Variants in PCED1B observed in about 807,000 individuals in gnomAD.
The protein encoded by PCED1B is PC-esterase domain containing 1B, also known as PC-esterase domain-containing protein 1B.
For synonymous variants in PCED1B, 251 were observed against 246.1 expected (o/e 1.02, Z -0.19); for missense variants, 573 against 573.9 (o/e 1.00, Z 0.02).
intron 3 of PCED1B, among the ~76,000 whole-genome samples, chr12:47,224,390 A>G (rs1283008918): frequency 6.6e-6 from 1 of 152,214 alleles, no homozygotes; most frequent in African/African-American, 2.4e-5. Context: ...GACTATTATT[A>G]TGGGAAAATA....
intron 2 of PCED1B, among the ~76,000 whole-genome samples, chr12:47,198,566 G>T (rs1232379705): frequency 6.6e-6 from 1 of 150,958 alleles, no homozygotes; most frequent in Admixed American, 6.6e-5. Flanking sequence ...AATGCAGTAA[G>T]ACCAAAAAAA....
chr12:47,152,240 A>T (rs1941019892), intron 2 of PCED1B, among the ~76,000 whole-genome samples: 1 of 152,196 alleles, frequency 6.6e-6, no homozygotes, highest in Non-Finnish European at 1.5e-5. Flanking sequence ...CAGGGAAAAA[A>T]TCATAAATTC....
At chr12:47,102,110 G>A (rs1938733045) in intron 1 of PCED1B, among the ~76,000 whole-genome samples, 1 of 152,168 alleles carries the variant, frequency 6.6e-6, no homozygotes, top group African/African-American at 2.4e-5. Context: ...ATACATCCAT[G>A]TTATAGACTC....
intron 2 of PCED1B, among the ~76,000 whole-genome samples, chr12:47,134,245 G>A (rs1028558834): frequency 3.9e-5 from 6 of 152,194 alleles, no homozygotes; most frequent in African/African-American, 9.6e-5. Context: ...AGGCCTTTAC[G>A]AAATTAGTAC....
intron 3 of PCED1B, among the ~76,000 whole-genome samples, chr12:47,231,922 A>G (rs568527998): frequency 6.6e-6 from 1 of 152,222 alleles, no homozygotes; most frequent in East Asian, 1.9e-4. Context: ...CACTTTGGAG[A>G]CTTGAGTCTA....
chr12:47,206,860 C>T (rs1178982042), intron 2 of PCED1B, among the ~76,000 whole-genome samples: 1 of 152,104 alleles, frequency 6.6e-6, no homozygotes, highest in Non-Finnish European at 1.5e-5. Context: ...TTCTACCTTC[C>T]ACTCTGTGCT....
chr12:47,215,098 C>T (rs546284610), intron 2 of PCED1B, among the ~76,000 whole-genome samples: 9 of 151,864 alleles, frequency 5.9e-5, no homozygotes, highest in Non-Finnish European at 1.3e-4. Context: ...CATGCATTTT[C>T]TCTCTCTCTT....
intron 2 of PCED1B, among the ~76,000 whole-genome samples, chr12:47,139,142 A>T (rs1404812): frequency 0.58 from 87,899 of 152,060 alleles, 26,165 homozygotes; most frequent in South Asian, 0.65. Context: ...TACGAAATAT[A>T]TGCTGAATGG....
chr12:47,218,208 G>A (rs1592304776), intron 3 of PCED1B, among the ~76,000 whole-genome samples: 1 of 152,206 alleles, frequency 6.6e-6, no homozygotes, highest in South Asian at 2.1e-4. Flanking sequence ...ACGGCAGCAG[G>A]GAGAAAAACC....
rs1224170825 is a variant in PCED1B, at chr12:47,139,119, C to T, written c.-526+34924C>T. ...TGATACCTAGTACTGAGAATAGTGACATAATAGGTACTTACGAAATATATG... is the reference window on the plus strand; with the variant it reads ...TGATACCTAGTACTGAGAATAGTGATATAATAGGTACTTACGAAATATATG... On this transcript the variant is annotated intron_variant, in intron 2 of 3. Coordinates refer to ENST00000546455, the MANE Select transcript of PCED1B (RefSeq NM_138371.3). Among the ~76,000 whole-genome samples the T allele has an allele frequency of 2.0e-5, 3 of 152,240 alleles. No individual in the cohort carries two copies. In the East Asian group the frequency reaches 5.8e-4, roughly 29 times the overall value.
intron 2 of PCED1B, among the ~76,000 whole-genome samples, chr12:47,170,203 G>A (rs1160191136): frequency 6.6e-6 from 1 of 152,046 alleles, no homozygotes; most frequent in African/African-American, 2.4e-5. Context: ...CAGAGAGCAC[G>A]GGGTTGGGGG....
chr12:47,200,375 G>T (rs73295503), intron 2 of PCED1B, among the ~76,000 whole-genome samples: 1 of 152,024 alleles, frequency 6.6e-6, no homozygotes, highest in Admixed American at 6.6e-5. Context: ...AGGGAATTAC[G>T]AACTAAAACA....
intron 2 of PCED1B, among the ~76,000 whole-genome samples, chr12:47,126,201 T>G (rs1939882433): frequency 6.6e-6 from 1 of 152,094 alleles, no homozygotes; most frequent in South Asian, 2.1e-4. Context: ...TATTCCTAGC[T>G]TAATGTGAGT....
intron 2 of PCED1B, among the ~76,000 whole-genome samples, chr12:47,162,426 C>T (rs886425376): frequency 2.0e-5 from 3 of 151,986 alleles, no homozygotes; most frequent in Admixed American, 6.5e-5. Context: ...TATTTTGGCT[C>T]ACAGTTCTGC....
intron 2 of PCED1B, chr12:47,208,681 A>G (rs967549537): frequency 9.2e-5 from 14 of 151,876 alleles, no homozygotes; most frequent in African/African-American, 3.4e-4. Context: ...GGCTATTTTT[A>G]TTTTTGTATA....
chr12:47,104,779 A>G (rs993029997), intron 2 of PCED1B, among the ~76,000 whole-genome samples: 2 of 152,138 alleles, frequency 1.3e-5, no homozygotes, highest in Non-Finnish European at 2.9e-5. Context: ...CCAGATGACC[A>G]CACTTGGTGA....
At chr12:47,136,794 T>G (rs1012282102) in intron 2 of PCED1B, among the ~76,000 whole-genome samples, 1 of 152,076 alleles carries the variant, frequency 6.6e-6, no homozygotes, top group Non-Finnish European at 1.5e-5. Context: ...TTAGGCAAAT[T>G]TTTAAGTATA....
chr12:47,188,303 C>G, intron 2 of PCED1B, among the ~76,000 whole-genome samples: 1 of 152,084 alleles, frequency 6.6e-6, no homozygotes, highest in Non-Finnish European at 1.5e-5. Context: ...AATTCCTCAG[C>G]TGGAACTCAT....
intron 3 of PCED1B, among the ~76,000 whole-genome samples, chr12:47,218,507 A>G (rs1176150757): frequency 2.6e-5 from 4 of 152,162 alleles, no homozygotes; most frequent in Admixed American, 2.6e-4. Flanking sequence ...AGGCAGAGAC[A>G]GTGTCTTGCT....
Sources: allele counts gnomAD v4.1 joint callset (sites outside exome capture counted in the v4.1 genomes callset), GRCh38; gene constraint gnomAD v4.1.1; transcripts MANE v1.5; gene names NCBI Gene and HGNC (gene_info 2026-07-23, HGNC 2026-07-21).